ZDHHC14: variants seen among roughly 807,000 people sequenced by gnomAD.
ZDHHC14 encodes palmitoyltransferase ZDHHC14.
Under a neutral mutation model 47.7 loss-of-function variants are expected in ZDHHC14, and 16 were observed. The observed-to-expected ratio is 0.34, with a 90% CI of 0.23 to 0.51. The LOEUF is 0.51. Ranked by LOEUF, ZDHHC14 falls within the 20% of genes least tolerant of loss-of-function variation. The probability of loss-of-function intolerance (pLI) is 0.97; values close to 1 mark genes in which losing one functional copy is unlikely to be tolerated. For missense variants in ZDHHC14, 515 were observed against 662.5 expected (o/e 0.78, Z 2.44); for synonymous variants, 293 against 278.9 (o/e 1.05, Z -0.50).
At chr6:157,574,879 A>G (rs918414416) in intron 2 of ZDHHC14, among the ~76,000 whole-genome samples, 5 of 152,240 alleles carry the variant, frequency 3.3e-5, no homozygotes, top group African/African-American at 1.2e-4. Context: ...CTACCTGATC[A>G]CTTTACCACA....
intron 8 of ZDHHC14, among the ~76,000 whole-genome samples, chr6:157,664,806 G>A (rs1488276010): frequency 6.6e-6 from 1 of 152,118 alleles, no homozygotes; most frequent in African/African-American, 2.4e-5. Context: ...TATCTTATAA[G>A]CCTTGGGGCA....
intron 1 of ZDHHC14, among the ~76,000 whole-genome samples, chr6:157,422,946 A>G (rs181887424): frequency 2.5e-4 from 38 of 152,306 alleles, no homozygotes; most frequent in African/African-American, 8.7e-4. Context: ...GTGCTTTACT[A>G]ACTTTACTTC....
At chr6:157,619,432 C>T (rs1468929876) in intron 3 of ZDHHC14, among the ~76,000 whole-genome samples, 1 of 152,082 alleles carries the variant, frequency 6.6e-6, no homozygotes, top group African/African-American at 2.4e-5. Context: ...ACTTGGAAAA[C>T]AAGAAAATAG....
intron 2 of ZDHHC14, among the ~76,000 whole-genome samples, chr6:157,552,005 G>A (rs1022635197): frequency 2.6e-5 from 4 of 152,034 alleles, no homozygotes; most frequent in Non-Finnish European, 5.9e-5. Flanking sequence ...CCTTTGCTTG[G>A]TTGTGAAAAT....
chr6:157,556,634 GCA>G (rs10554287), intron 2 of ZDHHC14, among the ~76,000 whole-genome samples: 39,567 of 151,992 alleles, frequency 0.26, 5,374 homozygotes, highest in East Asian at 0.41. Flanking sequence ...CTAATTGACA[GCA>G]CAGTCAGGAG....
At chr6:157,493,954 A>T (rs1236799393) in intron 1 of ZDHHC14, among the ~76,000 whole-genome samples, 1 of 152,184 alleles carries the variant, frequency 6.6e-6, no homozygotes, top group Non-Finnish European at 1.5e-5. Context: ...CCTGGATATC[A>T]AACCTTTAAT....
At chr6:157,590,657 G>T (rs1015055587) in intron 2 of ZDHHC14, among the ~76,000 whole-genome samples, 2 of 152,232 alleles carry the variant, frequency 1.3e-5, no homozygotes, top group Non-Finnish European at 2.9e-5. Flanking sequence ...GGGCAGTGCA[G>T]AAGGGAAATG....
chr6:157,645,105 T>C (rs1451803653), intron 5 of ZDHHC14, among the ~76,000 whole-genome samples: 1 of 152,018 alleles, frequency 6.6e-6, no homozygotes, highest in Non-Finnish European at 1.5e-5. Flanking sequence ...CTCCCCCAGG[T>C]AAAAATACCC....
intron 1 of ZDHHC14, among the ~76,000 whole-genome samples, chr6:157,438,627 A>G (rs138585633): frequency 0.014 from 2,125 of 152,348 alleles, 52 homozygotes; most frequent in African/African-American, 0.049. Flanking sequence ...CATTGTTCGT[A>G]CAAGACGCTT....
At chr6:157,397,371 G>A (rs1777541928) in intron 1 of ZDHHC14, among the ~76,000 whole-genome samples, 1 of 152,172 alleles carries the variant, frequency 6.6e-6, no homozygotes, top group Admixed American at 6.5e-5. Context: ...CTCTCCCTGG[G>A]CTACAATCAG....
At chr6:157,450,747 A>T (rs1309528292) in intron 1 of ZDHHC14, among the ~76,000 whole-genome samples, 1 of 152,186 alleles carries the variant, frequency 6.6e-6, no homozygotes, top group East Asian at 1.9e-4. Context: ...TTGGATTGTA[A>T]ATAGTCACTG....
chr6:157,478,273 T>TA (rs1214997476), intron 1 of ZDHHC14, among the ~76,000 whole-genome samples: 4 of 152,300 alleles, frequency 2.6e-5, no homozygotes, highest in African/African-American at 7.2e-5. Flanking sequence ...TATTATTTGA[T>TA]AAAACCTTTG....
intron 5 of ZDHHC14, among the ~76,000 whole-genome samples, chr6:157,633,674 CG>C (rs879296941): frequency 1.2e-4 from 18 of 152,154 alleles, no homozygotes; most frequent in Non-Finnish European, 2.6e-4. Context: ...GGGAATTATT[CG>C]TTTTTGTTTG....
intron 2 of ZDHHC14, among the ~76,000 whole-genome samples, chr6:157,563,525 TAGAG>T (rs1782790447): frequency 6.6e-6 from 1 of 152,190 alleles, no homozygotes; most frequent in Admixed American, 6.5e-5. Context: ...TGGTGCTTAT[TAGAG>T]AGACCCCATG....
chr6:157,435,547 CT>C (rs140343379), intron 1 of ZDHHC14, among the ~76,000 whole-genome samples: 11 of 149,352 alleles, frequency 7.4e-5, no homozygotes, highest in South Asian at 2.1e-4. Flanking sequence ...CTCTCTCTAT[CT>C]TTTTTTTTTA....
intron 7 of ZDHHC14, among the ~76,000 whole-genome samples, chr6:157,649,739 T>TC (rs1777730933): frequency 6.6e-6 from 1 of 152,212 alleles, no homozygotes; most frequent in Non-Finnish European, 1.5e-5. Flanking sequence ...CCTGCAGTGT[T>TC]CCCAGAGGCA....
intron 1 of ZDHHC14, among the ~76,000 whole-genome samples, chr6:157,471,766 G>A (rs770457424): frequency 6.6e-6 from 1 of 152,216 alleles, no homozygotes; most frequent in Non-Finnish European, 1.5e-5. Flanking sequence ...CTCAGAGGCA[G>A]CGTGGCCGAT....
chr6:157,443,066 G>T (rs1778591754), intron 1 of ZDHHC14, among the ~76,000 whole-genome samples: 1 of 152,302 alleles, frequency 6.6e-6, no homozygotes, highest in South Asian at 2.1e-4. Context: ...AACCCCATAT[G>T]TTGGGGGAGG....
intron 1 of ZDHHC14, among the ~76,000 whole-genome samples, chr6:157,457,250 G>A (rs891981258): frequency 6.6e-6 from 1 of 151,806 alleles, no homozygotes; most frequent in African/African-American, 2.4e-5. Flanking sequence ...CTGAGATTCT[G>A]TGGTTGAGGT....
Sources: gnomAD v4.1 joint callset for allele counts (sites outside exome capture counted in the v4.1 genomes callset) on GRCh38, gnomAD v4.1.1 for gene constraint, MANE v1.5 for transcripts, NCBI Gene and HGNC (gene_info 2026-07-23, HGNC 2026-07-21) for gene names.